Variants in WWOX observed in about 807,000 individuals in gnomAD.
WWOX encodes WW domain-containing oxidoreductase.
In WWOX, 69 loss-of-function variants were observed where a neutral mutation model predicts 46.2. The ratio of observed to expected loss-of-function variants is 1.49; its 90% CI spans 1.23 to 1.82. The LOEUF (loss-of-function observed/expected upper bound fraction) is 1.82. Among genes scored for constraint, WWOX ranks in the 40% most tolerant of loss-of-function variants. WWOX has a pLI of 0.00. For synonymous variants in WWOX, 359 were observed against 202.6 expected (o/e 1.77, Z -6.56); for missense variants, 919 against 542.6 (o/e 1.69, Z -6.89).
At chr16:78,122,620 T>G (rs897368524) in intron 4 of WWOX, among the ~76,000 whole-genome samples, 1 of 151,940 alleles carries the variant, frequency 6.6e-6, no homozygotes, top group African/African-American at 2.4e-5. Flanking sequence ...TTTTTTTTTT[T>G]TTGAGACGGT....
rs61538157 is a variant in WWOX, at chr16:79,090,280, CGTGTGTGTGTGTGTGT to C, written c.1057-121304_1057-121289del. On this transcript the variant is annotated intron_variant, in intron 8 of 8. Coordinates refer to ENST00000566780, the MANE Select transcript of WWOX (RefSeq NM_016373.4). ...CCATCCTGACAGATTCTACTGTGTG[CGTGTGTGTGTGTGTGT>C]GTGTGTGTGTGTGTGTGTGTGTGAT... is the stretch of plus-strand genomic sequence containing the variant. Among the ~76,000 whole-genome samples, 10 of 138,378 alleles carry C rather than the reference CGTGTGTGTGTGTGTGT, an allele frequency of 7.2e-5. No individual in the cohort carries two copies. The South Asian group carries it at 1.5e-3, about 20-fold the overall frequency. The allele number at this position is 138,378 out of a possible 152,430, so 90.8% of individuals were successfully genotyped here. A position where few individuals can be genotyped will look rare whatever the true frequency, so the allele number is the denominator to read the frequency against.
chr16:78,815,228 G>C (rs1002929963), intron 8 of WWOX, among the ~76,000 whole-genome samples: 1 of 151,922 alleles, frequency 6.6e-6, no homozygotes, highest in Admixed American at 6.6e-5. Context: ...GGGAGGTTGA[G>C]ACAGGAGATT....
At chr16:78,313,018 C>T (rs72792344) in intron 5 of WWOX, among the ~76,000 whole-genome samples, 3,317 of 151,904 alleles carry the variant, frequency 0.022, 54 homozygotes, top group Non-Finnish European at 0.032. Flanking sequence ...TTCACGGGGG[C>T]AGATTTGTGT....
rs1327338122 is a variant in WWOX, at chr16:78,953,313, G to A, written c.1057-258295G>A. Among the ~76,000 whole-genome samples, 4 of 151,400 alleles carry A rather than the reference G, an allele frequency of 2.6e-5. 1 individual carries two copies. Among genetic ancestry groups the A allele is most frequent in the Non-Finnish European group, 5.9e-5 (4 of 67,904 alleles). ...GCACAATTATAGTGGGGGGTGGGGG[G>A]CATGTTTAACCTACTTTAGAGAACA... On this transcript the variant is annotated intron_variant, in intron 8 of 8. Coordinates refer to ENST00000566780, the MANE Select transcript of WWOX (RefSeq NM_016373.4).
chr16:78,684,055 G>A (rs2738627), intron 8 of WWOX, among the ~76,000 whole-genome samples: 117,281 of 152,020 alleles, frequency 0.77, 45,422 homozygotes, highest in South Asian at 0.83. Context: ...CTCCCTCACA[G>A]TTTTGGCTCG....
chr16:78,198,358 A>C (rs2036123293), intron 5 of WWOX, among the ~76,000 whole-genome samples: 1 of 152,212 alleles, frequency 6.6e-6, no homozygotes, highest in Non-Finnish European at 1.5e-5. Context: ...ATACACATGC[A>C]AGGTAATATT....
At chr16:78,409,166 C>G (rs753388796) in intron 6 of WWOX, among the ~76,000 whole-genome samples, 5 of 152,164 alleles carry the variant, frequency 3.3e-5, no homozygotes, top group Admixed American at 1.3e-4. Context: ...GTGATCAGTG[C>G]TTTTAGAAAT....
At chr16:78,549,211 G>T (rs979857377) in intron 8 of WWOX, among the ~76,000 whole-genome samples, 1 of 152,132 alleles carries the variant, frequency 6.6e-6, no homozygotes, top group Non-Finnish European at 1.5e-5. Flanking sequence ...ATCAAAGGCA[G>T]AATTAAAATC....
At chr16:78,997,733 A>C (rs568504291) in intron 8 of WWOX, among the ~76,000 whole-genome samples, 120 of 152,118 alleles carry the variant, frequency 7.9e-4, no homozygotes, top group African/African-American at 2.8e-3. Flanking sequence ...CTAGAAGGAA[A>C]TATTCAAGCT....
chr16:78,879,741 G>A (rs374838341), intron 8 of WWOX, among the ~76,000 whole-genome samples: 26 of 152,214 alleles, frequency 1.7e-4, no homozygotes, highest in African/African-American at 3.9e-4. Context: ...GCCAGGCATG[G>A]TGGCACATGC....
intron 8 of WWOX, among the ~76,000 whole-genome samples, chr16:78,721,410 G>A (rs139203860): frequency 2.0e-5 from 3 of 152,104 alleles, no homozygotes; most frequent in Admixed American, 6.5e-5. Flanking sequence ...TATTCTTATT[G>A]TATGAACATA....
chr16:79,126,507 C>A (rs761633685), intron 8 of WWOX, among the ~76,000 whole-genome samples: 1 of 152,066 alleles, frequency 6.6e-6, no homozygotes, highest in Admixed American at 6.6e-5. Context: ...GTTCATTCTC[C>A]CTCCTGCCGC....
intron 8 of WWOX, among the ~76,000 whole-genome samples, chr16:78,719,443 T>C (rs539497661): frequency 1.3e-5 from 2 of 152,350 alleles, no homozygotes; most frequent in East Asian, 1.9e-4. Context: ...TCGGGTGGAC[T>C]GTCACATGTG....
intron 8 of WWOX, among the ~76,000 whole-genome samples, chr16:78,671,686 A>G (rs1033171758): frequency 6.6e-5 from 10 of 152,222 alleles, no homozygotes; most frequent in African/African-American, 2.4e-4. Context: ...AGCATTTGGC[A>G]TAGTGCCTGA....
chr16:78,339,121 C>T (rs9925676), intron 5 of WWOX, among the ~76,000 whole-genome samples: 1 of 118,582 alleles, frequency 8.4e-6, no homozygotes, highest in African/African-American at 2.9e-5. Context: ...GCATCATATC[C>T]ATATAGTGAT....
intron 8 of WWOX, among the ~76,000 whole-genome samples, chr16:79,143,671 C>T (rs905129133): frequency 6.6e-6 from 1 of 152,066 alleles, no homozygotes; most frequent in African/African-American, 2.4e-5. Context: ...ATGTTTCACA[C>T]CCTATGTCTT....
chr16:78,158,700 C>T (rs1196833178), intron 4 of WWOX, among the ~76,000 whole-genome samples: 1 of 152,034 alleles, frequency 6.6e-6, no homozygotes, highest in Non-Finnish European at 1.5e-5. Context: ...TAGTCCTTTT[C>T]TTTATTTTTC....
chr16:78,940,049 C>A (rs908363116), intron 8 of WWOX, among the ~76,000 whole-genome samples: 3 of 152,146 alleles, frequency 2.0e-5, no homozygotes, highest in African/African-American at 7.2e-5. Context: ...TAAAAATAAA[C>A]GTTACTTTCA....
chr16:78,918,290 T>G lies in WWOX; in HGVS notation c.1057-293318T>G, dbSNP rs115423559. On this transcript the variant is annotated intron_variant, in intron 8 of 8. Transcript: ENST00000566780. The stretch of plus-strand genomic sequence containing the variant: ...AAGAAAAAAATAAATGGATACATGA[T>G]ATTTGTACTTCTAAGAGGCATCTTC... Among the ~76,000 whole-genome samples the G allele has an allele frequency of 5.4e-3, 820 of 152,304 alleles. 6 individuals carry two copies. The highest frequency in any genetic ancestry group is 0.019 in the African/African-American group (782 of 41,562).
Sources: allele counts gnomAD v4.1 joint callset (sites outside exome capture counted in the v4.1 genomes callset), GRCh38; gene constraint gnomAD v4.1.1; transcripts MANE v1.5; gene names NCBI Gene and HGNC (gene_info 2026-07-23, HGNC 2026-07-21).